Variants in CDKN2B-AS1 observed in about 807,000 individuals in gnomAD.
CDKN2B-AS1 encodes CDKN2B and CDKN2A antisense cis and trans regulatory RNA 1.
chr9:22,058,889 GA>G, intron 4 of CDKN2B-AS1: 1 of 209,522 alleles, frequency 4.8e-6, no homozygotes. Context: ...GGCAGCAAGA[GA>G]AAAATGAGGA....
At chr9:22,094,106 G>T (rs1355080998) in intron 4 of CDKN2B-AS1, among the ~76,000 whole-genome samples, 1 of 143,844 alleles carries the variant, frequency 7.0e-6, no homozygotes, top group Admixed American at 6.7e-5. Context: ...TGAAATTCTG[G>T]GTTGAAAATT....
In CDKN2B-AS1 at chr9:22,006,280, G is replaced by A. The variant is rs988990933; in HGVS notation, n.29+11119G>A. ...AGAGAGCAGAGTGGTCAGAGCCAGG[G>A]TGGGGGCAGGTATGGGAGATGCCGG... On this transcript the variant is annotated intron_variant and non_coding_transcript_variant, in intron 1 of 4. Coordinates refer to ENST00000650946, the Ensembl canonical transcript of CDKN2B-AS1. The surrounding 1 kb of genome is among the most constrained non-coding windows in gnomAD (Gnocchi z 6.4). 6.2e-7 allele frequency: 1 copy of A among 1,600,022 alleles called. No homozygotes were observed. Among genetic ancestry groups the A allele is most frequent in the Non-Finnish European group, 8.5e-7 (1 of 1,179,772 alleles).
At chr9:22,087,318 G>A (rs540662542) in intron 4 of CDKN2B-AS1, among the ~76,000 whole-genome samples, 30 of 152,280 alleles carry the variant, frequency 2.0e-4, no homozygotes, top group African/African-American at 7.2e-4. Flanking sequence ...AGACCATGAG[G>A]GGACAAGTCT....
chr9:22,030,946 A>G (rs1448929365), intron 1 of CDKN2B-AS1: 2 of 152,176 alleles, frequency 1.3e-5, no homozygotes, highest in Admixed American at 6.5e-5. Flanking sequence ...TTCTTTCACC[A>G]GGTGTAGTTA....
intron 4 of CDKN2B-AS1, among the ~76,000 whole-genome samples, chr9:22,068,513 A>T (rs901602405): frequency 3.9e-5 from 6 of 152,138 alleles, no homozygotes; most frequent in African/African-American, 7.2e-5. Flanking sequence ...CCCGAGTTTG[A>T]CAGAGAGCGT....
chr9:22,108,340 A>G (rs1307938857), intron 4 of CDKN2B-AS1, among the ~76,000 whole-genome samples: 1 of 152,178 alleles, frequency 6.6e-6, no homozygotes, highest in Non-Finnish European at 1.5e-5. Context: ...AGAAGGGAGT[A>G]TTACTCTAAC....
At chr9:22,063,124 G>A (rs1464203128) in intron 4 of CDKN2B-AS1, among the ~76,000 whole-genome samples, 4 of 152,032 alleles carry the variant, frequency 2.6e-5, no homozygotes, top group Non-Finnish European at 5.9e-5. Flanking sequence ...AGATGTGAAC[G>A]ATAATAGAGA....
At chr9:22,002,385 A>G (rs1820958224) in intron 1 of CDKN2B-AS1, among the ~76,000 whole-genome samples, 1 of 152,054 alleles carries the variant, frequency 6.6e-6, no homozygotes, top group African/African-American at 2.4e-5. Context: ...ATTATGCTCT[A>G]TGATTTAAAA....
rs1822806658 is a variant in CDKN2B-AS1, at chr9:22,039,205, T to C, written n.30-7546T>C. On this transcript the variant is annotated intron_variant and non_coding_transcript_variant, in intron 1 of 4. Coordinates refer to ENST00000650946, the Ensembl canonical transcript of CDKN2B-AS1. The surrounding 1 kb of genome is among the most constrained non-coding windows in gnomAD (Gnocchi z 4.4). The stretch of plus-strand genomic sequence containing the variant: ...AAAAGGGATCCAAATCTTTAGACTT[T>C]GTTGCTCGGTGGAACTAGAATCATT... Among the ~76,000 whole-genome samples the C allele has an allele frequency of 1.3e-5, 2 of 152,024 alleles. No homozygotes were observed. The highest frequency in any genetic ancestry group is 2.1e-4 in the South Asian group (1 of 4,834).
At chr9:22,017,239 A>G (rs1039726403) in intron 1 of CDKN2B-AS1, among the ~76,000 whole-genome samples, 1 of 152,222 alleles carries the variant, frequency 6.6e-6, no homozygotes, top group Non-Finnish European at 1.5e-5. Context: ...AGCCTGGCCA[A>G]TATGGTGAAA....
intron 1 of CDKN2B-AS1, among the ~76,000 whole-genome samples, chr9:22,020,566 G>A (rs377406165): frequency 2.0e-5 from 3 of 151,988 alleles, no homozygotes; most frequent in Non-Finnish European, 4.4e-5. Context: ...TTTAATAATA[G>A]CCATTCTGAC....
intron 4 of CDKN2B-AS1, among the ~76,000 whole-genome samples, chr9:22,124,051 T>G (rs1294071263): frequency 6.6e-6 from 1 of 152,228 alleles, no homozygotes. Context: ...TACACCAAAC[T>G]GATGAATATT....
intron 3 of CDKN2B-AS1, among the ~76,000 whole-genome samples, chr9:22,049,619 GT>G (rs1312918013): frequency 2.0e-5 from 3 of 152,136 alleles, no homozygotes; most frequent in African/African-American, 7.2e-5. Context: ...AAATCCTAGA[GT>G]AGGGCAGATG....
chr9:22,090,812 C>T (rs7034707), intron 4 of CDKN2B-AS1, among the ~76,000 whole-genome samples: 17,338 of 152,084 alleles, frequency 0.11, 3,346 homozygotes, highest in African/African-American at 0.4. Flanking sequence ...TTTTGCTGTG[C>T]AGAAGTTCTT....
chr9:21,998,693 G>A (rs1228941958), intron 1 of CDKN2B-AS1, among the ~76,000 whole-genome samples: 2 of 152,084 alleles, frequency 1.3e-5, no homozygotes, highest in Non-Finnish European at 2.9e-5. Flanking sequence ...CCATAGGCAG[G>A]GATAGGGGAG....
rs540474273 is a variant in CDKN2B-AS1, at chr9:22,089,623, C to T, written n.438+33236C>T. Among the ~76,000 whole-genome samples, 64 of 151,590 alleles carry T rather than the reference C, an allele frequency of 4.2e-4. 1 individual carries two copies. The highest frequency in any genetic ancestry group is 1.3e-3 in the Admixed American group (20 of 15,186). ...TATCTCTCTTTTCTTTTTTTTTCCC[C>T]TTATTTTGTAGGGACAAGTTTTCTC... On this transcript the variant is annotated intron_variant and non_coding_transcript_variant, in intron 4 of 4. Coordinates refer to ENST00000650946, the Ensembl canonical transcript of CDKN2B-AS1.
chr9:22,079,349 G>A (rs1374306787), intron 4 of CDKN2B-AS1, among the ~76,000 whole-genome samples: 1 of 152,024 alleles, frequency 6.6e-6, no homozygotes, highest in Non-Finnish European at 1.5e-5. Flanking sequence ...TTAGTTGGGC[G>A]TGGTGGCACG....
At chr9:22,071,323 G>A (rs1022757569) in intron 4 of CDKN2B-AS1, among the ~76,000 whole-genome samples, 34 of 109,580 alleles carry the variant, frequency 3.1e-4, no homozygotes, top group African/African-American at 1.2e-3. Context: ...TTTTAGACAC[G>A]GAGTCTTGCT....
At chr9:22,058,150 C>T (rs577568283) in intron 4 of CDKN2B-AS1, among the ~76,000 whole-genome samples, 6 of 152,130 alleles carry the variant, frequency 3.9e-5, no homozygotes, top group African/African-American at 7.2e-5. Flanking sequence ...GCCGAGATTG[C>T]GCCATTGCAC....
Sources: allele counts gnomAD v4.1 joint callset (sites outside exome capture counted in the v4.1 genomes callset), GRCh38; gene constraint gnomAD v4.1.1; non-coding constraint Gnocchi (gnomAD v3.1); transcripts MANE v1.5; gene names NCBI Gene and HGNC (gene_info 2026-07-23, HGNC 2026-07-21).